The following MPDZ variants were observed in gnomAD, a reference collection of about 807,000 sequenced individuals.
The protein encoded by MPDZ is multiple PDZ domain protein.
In MPDZ, 234 loss-of-function variants were observed where a neutral mutation model predicts 239.1. The ratio of observed to expected loss-of-function variants is 0.98; its 90% CI spans 0.88 to 1.09. The LOEUF is 1.09. Ranked by LOEUF, MPDZ falls within the 50% of genes least tolerant of loss-of-function variation. The probability of loss-of-function intolerance (pLI) is 0.00; values close to 1 mark genes in which losing one functional copy is unlikely to be tolerated. For missense variants in MPDZ, 3,175 were observed against 2,510.0 expected, an observed-to-expected ratio of 1.26 and a Z score of -5.66; for synonymous variants, 1,048 against 881.3, an observed-to-expected ratio of 1.19 and a Z score of -3.35.
chr9:13,217,356 C>CAAA (rs557124185), intron 8 of MPDZ, 62 bp from the exon 9 acceptor site: 32 of 1,015,716 alleles, frequency 3.2e-5, no homozygotes, highest in Non-Finnish European at 4.3e-5. Flanking sequence ...AAACAAAAAA[C>CAAA]AAACAAACAA....
chr9:13,122,425 T>C (rs766022355), intron 36 of MPDZ, among the ~76,000 whole-genome samples: 13 of 151,964 alleles, frequency 8.6e-5, no homozygotes, highest in Non-Finnish European at 1.8e-4. Flanking sequence ...CATGCATACA[T>C]AGATGAGAGA....
At chr9:13,138,448 A>G (rs1439636129) in intron 28 of MPDZ, among the ~76,000 whole-genome samples, 1 of 152,164 alleles carries the variant, frequency 6.6e-6, no homozygotes, top group African/African-American at 2.4e-5. Context: ...AAACTCTCAA[A>G]AGACTATGAT....
In MPDZ at chr9:13,223,617, G is replaced by C; in HGVS notation, c.487C>G (p.Leu163Val). ...TGTATCTCTTGAACAAATATTCCCA[G>C]CTCTCCTCTGTTTTCACTTCTTAGT... is the stretch of plus-strand genomic sequence containing the variant. ...VGLRSENRGE[L>V]GIFVQEIQEG... The change falls in exon 5 of 47, where the codon CTG becomes GTG. Residue 163 changes from leucine (L) to valine (V), a missense_variant. Physicochemically the swap from Leu to Val is conservative, Grantham distance 32. Coordinates refer to ENST00000319217, the MANE Select transcript of MPDZ (RefSeq NM_001378778.1). 1.2e-6 allele frequency: 2 copies of C among 1,612,416 alleles called. No individual in the cohort carries two copies. The highest frequency in any genetic ancestry group is 2.2e-5 in the East Asian group (1 of 44,792).
At chr9:13,173,443 C>T (rs1952043480) in intron 21 of MPDZ, among the ~76,000 whole-genome samples, 1 of 152,024 alleles carries the variant, frequency 6.6e-6, no homozygotes, top group Non-Finnish European at 1.5e-5. Flanking sequence ...TGACTCGTGC[C>T]TGTAATCCTA....
At chr9:13,164,945 G>T (rs1488027436) in intron 22 of MPDZ, among the ~76,000 whole-genome samples, 1 of 152,116 alleles carries the variant, frequency 6.6e-6, no homozygotes, top group African/African-American at 2.4e-5. Context: ...TTATTTGAGA[G>T]TTGAATTAAA....
At chr9:13,171,130 G>A (rs1951726846) in intron 21 of MPDZ, among the ~76,000 whole-genome samples, 2 of 152,238 alleles carry the variant, frequency 1.3e-5, no homozygotes, top group East Asian at 3.9e-4. Flanking sequence ...TCTTAGGGTT[G>A]TTTAAAGAAC....
At chr9:13,219,525 C>G (rs773692468) in intron 8 of MPDZ, 34 bp downstream of exon 8, 2 of 1,581,118 alleles carry the variant, frequency 1.3e-6, no homozygotes, top group African/African-American at 1.3e-5. Flanking sequence ...TGTTATTTCT[C>G]TGACTTTCAC....
chr9:13,196,280 C>T (rs1490396320), intron 12 of MPDZ, 50 bp from the exon 13 acceptor site: 2 of 1,265,724 alleles, frequency 1.6e-6, no homozygotes, highest in Non-Finnish European at 2.3e-6. Flanking sequence ...GAAATCTCCA[C>T]ATCTTAACAT....
At chr9:13,140,393 C>CATAT (rs535672637) in intron 27 of MPDZ, among the ~76,000 whole-genome samples, 270 of 136,524 alleles carry the variant, frequency 2.0e-3, no homozygotes, top group African/African-American at 6.7e-3. Context: ...TATATATATA[C>CATAT]ATATATATAT....
At chr9:13,210,135 A>G (rs1957449355) in intron 10 of MPDZ, among the ~76,000 whole-genome samples, 1 of 151,940 alleles carries the variant, frequency 6.6e-6, no homozygotes, top group African/African-American at 2.4e-5. Context: ...TCAAAGATAA[A>G]AAGAAAAAAG....
At chr9:13,152,054 A>G (rs1949245397) in intron 24 of MPDZ, among the ~76,000 whole-genome samples, 1 of 152,110 alleles carries the variant, frequency 6.6e-6, no homozygotes, top group Non-Finnish European at 1.5e-5. Context: ...TTAGTATTAC[A>G]TATATTAAGT....
At chr9:13,191,562 A>C (rs1954932648) in intron 15 of MPDZ, among the ~76,000 whole-genome samples, 1 of 152,152 alleles carries the variant, frequency 6.6e-6, no homozygotes, top group African/African-American at 2.4e-5. Flanking sequence ...TATGGGCCAA[A>C]TTTATTGTAT....
In MPDZ at chr9:13,195,759, T is replaced by C. The variant is rs968466009; in HGVS notation, c.1656+362A>G. ...TTACAATTCTGTTCATAAGTCATGATAAATTTTGTTTTATTTTTAAATAAA... is the reference window on the plus strand; with the variant it reads ...TTACAATTCTGTTCATAAGTCATGACAAATTTTGTTTTATTTTTAAATAAA... On this transcript the variant is annotated intron_variant, in intron 13 of 46. Transcript: ENST00000319217. 1.2e-4 allele frequency among the ~76,000 whole-genome samples: 19 copies of C among 152,302 alleles called. No individual in the cohort carries two copies. The South Asian group carries it at 2.3e-3, about 18-fold the overall frequency.
In MPDZ at chr9:13,176,435, A is replaced by G; in HGVS notation, c.2650-18T>C. 1 of 1,516,260 alleles carries G rather than the reference A, an allele frequency of 6.6e-7. No homozygotes were observed. Among genetic ancestry groups the G allele is most frequent in the South Asian group, 1.4e-5 (1 of 73,232 alleles). The allele number at this position is 1,516,260 out of a possible 1,614,324, so 93.9% of individuals were successfully genotyped here. On this transcript the variant is annotated intron_variant, in intron 19 of 46. Coordinates refer to ENST00000319217, the MANE Select transcript of MPDZ (RefSeq NM_001378778.1). ...ATAACATCCTGGTAGTTAAAAAACA[A>G]CAACAACAAAACATGAAAAATGTGA...
At chr9:13,176,584 T>C (rs886835344) in intron 19 of MPDZ, among the ~76,000 whole-genome samples, 167 bp from the exon 20 acceptor site, 2 of 152,232 alleles carry the variant, frequency 1.3e-5, no homozygotes, top group Non-Finnish European at 2.9e-5. Flanking sequence ...TAGCAGATTT[T>C]CTGCATATCT....
At chr9:13,123,362 C>T (rs1381736242) in intron 35 of MPDZ, 64 bp from the exon 36 acceptor site, 12 of 1,414,580 alleles carry the variant, frequency 8.5e-6, no homozygotes, top group Non-Finnish European at 1.2e-5. Flanking sequence ...CCATCAAACT[C>T]ATCACACAGA....
In MPDZ at chr9:13,125,358, T is replaced by A. The variant is rs761019807; in HGVS notation, c.4665A>T (p.Thr1555=). Residue 1555 remains threonine (T), a synonymous_variant, in exon 35 of 47, where the codon ACA becomes ACT. Transcript: ENST00000319217. ...TCTCAGCATGGATGGTAAGTTTTAC[T>A]GTCATCTTTGCTGTCTTCAGAAGGC... The part of the protein sequence containing the change: ...FISLLKTAKM[T]VKLTIHAENP... 11 of 1,613,868 alleles carry A rather than the reference T, an allele frequency of 6.8e-6. No homozygotes were observed. Among genetic ancestry groups the A allele is most frequent in the Non-Finnish European group, 8.5e-6 (10 of 1,179,754 alleles).
chr9:13,278,099 A>C (rs1385030880), intron 1 of MPDZ, among the ~76,000 whole-genome samples: 1 of 152,164 alleles, frequency 6.6e-6, no homozygotes, highest in Non-Finnish European at 1.5e-5. Flanking sequence ...ATTTCTAGGG[A>C]AACACGAAGG....
intron 1 of MPDZ, among the ~76,000 whole-genome samples, chr9:13,257,535 T>G (rs987502212): frequency 1.3e-5 from 2 of 152,208 alleles, no homozygotes; most frequent in Non-Finnish European, 2.9e-5. Context: ...AACAAGGTAT[T>G]AAGTTGCTAC....
Sources: allele counts gnomAD v4.1 joint callset (sites outside exome capture counted in the v4.1 genomes callset), GRCh38; gene constraint gnomAD v4.1.1; transcripts MANE v1.5; gene names NCBI Gene and HGNC (gene_info 2026-07-23, HGNC 2026-07-21).